Variants in CEP170B observed in about 807,000 individuals in gnomAD.
CEP170B encodes the protein centrosomal protein of 170 kDa protein B.
In CEP170B, 55 loss-of-function variants were observed where a neutral mutation model predicts 120.6. The ratio of observed to expected loss-of-function variants is 0.46; its 90% CI spans 0.37 to 0.57. The LOEUF (loss-of-function observed/expected upper bound fraction) is 0.57. CEP170B is among the 20% of genes least tolerant of loss of function. The probability of loss-of-function intolerance (pLI) is 0.00; values close to 1 mark genes in which losing one functional copy is unlikely to be tolerated. For missense variants in CEP170B, 2,212 were observed against 2,253.3 expected (o/e 0.98, Z 0.37); for synonymous variants, 1,033 against 954.5 (o/e 1.08, Z -1.52).
chr14:104,881,102 C>G (rs1412523699), intron 6 of CEP170B, among the ~76,000 whole-genome samples: 2 of 152,146 alleles, frequency 1.3e-5, no homozygotes, highest in African/African-American at 2.4e-5. Context: ...TTCTGCAGAC[C>G]GAGCCAGCAG....
At chr14:104,871,106 C>T (rs1301290286) in intron 2 of CEP170B, among the ~76,000 whole-genome samples, 1 of 152,056 alleles carries the variant, frequency 6.6e-6, no homozygotes, top group Non-Finnish European at 1.5e-5. Flanking sequence ...GGCACCTGCG[C>T]CAGGACCCCC....
At position 104,887,931 on chromosome 14, in the gene CEP170B, G is replaced by A. The variant is rs778420508; in HGVS notation, c.3692G>A (p.Arg1231His). The A allele has an allele frequency of 1.9e-5, 29 of 1,543,956 alleles. No individual in the cohort carries two copies. The highest frequency in any genetic ancestry group is 9.5e-5 in the South Asian group (8 of 83,972). Residue 1231 changes from arginine to histidine, a missense_variant, in exon 12 of 19, where the codon CGC becomes CAC. By Grantham distance (29) the Arg-to-His change is conservative. Transcript: ENST00000414716. ...AACACAGCCACCACCACGGGTCCCC[G>A]CCAGCCCTTCAGCAGGGCCCGCTCA... is the stretch of plus-strand genomic sequence containing the variant. ...AANTATTTGP[R>H]QPFSRARSGS...
chr14:104,870,967 A>C lies in CEP170B; in HGVS notation c.105+2412A>C, dbSNP rs759535602. On this transcript the variant is annotated intron_variant, in intron 2 of 18. Transcript: ENST00000414716. This position sits in a 1 kb window ranked among gnomAD's most constrained non-coding sequence, Gnocchi z 4.1. ...CCCCTGCCGGCCTCTGTCACCCCTC[A>C]CTCCCTGTGCACCTGCCCTAGAGGC... 6.8e-6 allele frequency among the ~76,000 whole-genome samples: 1 copy of C among 148,040 alleles called. No homozygotes were observed. Among genetic ancestry groups the C allele is most frequent in the African/African-American group, 2.5e-5 (1 of 39,870 alleles).
chr14:104,883,449 C>T lies in CEP170B; in HGVS notation c.992C>T (p.Pro331Leu). ...CCGAGCCTGCTGCACCGGGTTGGCC[C>T]TGGGGATGACCGCCACAGCACCAAG... ...NDPSLLHRVG[P>L]GDDRHSTKSD... Residue 331 changes from proline (P) to leucine (L), a missense_variant, in exon 8 of 19, where the codon CCT becomes CTT. Coordinates refer to ENST00000414716, the MANE Select transcript of CEP170B (RefSeq NM_001112726.3). The T allele has an allele frequency of 1.3e-6, 2 of 1,562,096 alleles. No individual in the cohort carries two copies. Among genetic ancestry groups the T allele is most frequent in the East Asian group, 2.4e-5 (1 of 41,544 alleles).
chr14:104,870,383 C>A lies in CEP170B; in HGVS notation c.105+1828C>A, dbSNP rs575176410. ...AAGACAGGCGGCAGGCCATAGGCCA[C>A]GCCCCACATACCCCACTGCCTCATG... On this transcript the variant is annotated intron_variant, in intron 2 of 18. Transcript: ENST00000414716. The surrounding 1 kb of genome is among the most constrained non-coding windows in gnomAD (Gnocchi z 4.1). 3.9e-4 allele frequency among the ~76,000 whole-genome samples: 59 copies of A among 152,346 alleles called. No individual in the cohort carries two copies. Among genetic ancestry groups the A allele is most frequent in the Admixed American group, 1.6e-3 (24 of 15,308 alleles).
Position 104,886,904 on chromosome 14 carries a change from C to T in CEP170B, c.2665C>T (p.His889Tyr), listed in dbSNP as rs1008996291. The T allele has an allele frequency of 3.1e-6, 5 of 1,610,344 alleles. No individual in the cohort carries two copies. The highest frequency in any genetic ancestry group is 3.4e-6 in the Non-Finnish European group (4 of 1,179,802). ...APGKPPHISS[H>Y]PLLQDLAATR... ...CGGCAAGCCCCCCCACATCTCCAGC[C>T]ACCCGCTTCTACAGGACCTGGCCGC... Residue 889 changes from histidine to tyrosine, a missense_variant, in exon 12 of 19, where the codon CAC becomes TAC. Around this residue, in one of 2 missense-constraint regions of CEP170B, gnomAD observed 2,166 missense variants for 2,166.7 expected, o/e 1.00. Transcript: ENST00000414716.
At chr14:104,879,045 C>A (rs956044958) in intron 5 of CEP170B, among the ~76,000 whole-genome samples, 1 of 152,128 alleles carries the variant, frequency 6.6e-6, no homozygotes, top group Non-Finnish European at 1.5e-5. Context: ...AGCCCCTGAG[C>A]CCCCCAGCAT....
At position 104,880,376 on chromosome 14, in the gene CEP170B, C is replaced by T. The variant is rs370341304; in HGVS notation, c.423C>T (p.Cys141=). 72 of 1,612,464 alleles carry T rather than the reference C, an allele frequency of 4.5e-5. No individual in the cohort carries two copies. In the Admixed American group the frequency reaches 6.8e-4, roughly 15 times the overall value. ...SEALPEHTPY[C]EASNPRPEKG... Reference sequence around the variant, plus strand: ...CACTGCCGGAACACACACCATACTGCGAGGCCTCGAACCCCAGGCCGGAGA... The same window carrying T: ...CACTGCCGGAACACACACCATACTGTGAGGCCTCGAACCCCAGGCCGGAGA... The change falls in exon 6 of 19, where the codon TGC becomes TGT. Residue 141 remains cysteine, a synonymous_variant. Coordinates refer to ENST00000414716, the MANE Select transcript of CEP170B (RefSeq NM_001112726.3).
rs375234580 is a variant in CEP170B, at chr14:104,870,645, G to A, written c.105+2090G>A. 2.0e-3 allele frequency among the ~76,000 whole-genome samples: 310 copies of A among 152,060 alleles called. 1 individual carries two copies. Among genetic ancestry groups the A allele is most frequent in the African/African-American group, 7.4e-3 (305 of 41,472 alleles). ...TGCTTCTCCCTGGGGTAGGGGAAAAGTGCTGGGGGCAGGGTGCTCAGGGTG... is the reference window on the plus strand; with the variant it reads ...TGCTTCTCCCTGGGGTAGGGGAAAAATGCTGGGGGCAGGGTGCTCAGGGTG... On this transcript the variant is annotated intron_variant, in intron 2 of 18. Transcript: ENST00000414716. The surrounding 1 kb of genome is among the most constrained non-coding windows in gnomAD (Gnocchi z 4.1).
rs777016637 is a variant in CEP170B at position 104,886,060 on chromosome 14, C to G, written c.1965C>G (p.Ser655=). 6.5e-7 allele frequency: 1 copy of G among 1,544,410 alleles called. No homozygotes were observed. The highest frequency in any genetic ancestry group is 1.2e-5 in the South Asian group (1 of 83,760). The part of the protein sequence containing the change: ...AEHQGLPVPG[S]PGGQKWVSRW... ...CACAGGGCCTCCCGGTGCCGGGCTCCCCTGGGGGTCAGAAGTGGGTGTCCC... is the reference window on the plus strand; with the variant it reads ...CACAGGGCCTCCCGGTGCCGGGCTCGCCTGGGGGTCAGAAGTGGGTGTCCC... The change falls in exon 11 of 19, where the codon TCC becomes TCG. Residue 655 remains serine (S), a synonymous_variant. Coordinates refer to ENST00000414716, the MANE Select transcript of CEP170B (RefSeq NM_001112726.3).
At position 104,868,598 on chromosome 14, in the gene CEP170B, AGTC is replaced by A; in HGVS notation, c.105+44_105+46del. 6.6e-7 allele frequency: 1 copy of A among 1,522,216 alleles called. No homozygotes were observed. The highest frequency in any genetic ancestry group is 2.5e-5 in the East Asian group (1 of 40,702). 94.3% of individuals were successfully genotyped at this position (1,522,216 alleles called of 1,614,324 possible). ...GGGGCCAGGAGGGTAGGGGGTAGACAGTCTGTCCCTGTGGAGGCCAGGAAGGTG... is the reference window on the plus strand; with the variant it reads ...GGGGCCAGGAGGGTAGGGGGTAGACATGTCCCTGTGGAGGCCAGGAAGGTG... On this transcript the variant is annotated intron_variant, in intron 2 of 18. Transcript: ENST00000414716. This position sits in a 1 kb window ranked among gnomAD's most constrained non-coding sequence, Gnocchi z 5.9.
intron 6 of CEP170B, among the ~76,000 whole-genome samples, chr14:104,882,120 C>T (rs912731472): frequency 6.6e-6 from 1 of 152,156 alleles, no homozygotes; most frequent in African/African-American, 2.4e-5. Flanking sequence ...TCAGGAAGGG[C>T]TGGGCTGCCG....
At position 104,883,491 on chromosome 14, in the gene CEP170B, A is replaced by G; in HGVS notation, c.1034A>G (p.His345Arg). The G allele has an allele frequency of 6.5e-7, 1 of 1,548,174 alleles. No homozygotes were observed. The highest frequency in any genetic ancestry group is 8.7e-7 in the Non-Finnish European group (1 of 1,145,322). ...AGCACCAAGAGCGACCTGCCTGTCC[A>G]CACCCGCACCCTGAAGGGTGAGTGC... ...RHSTKSDLPV[H>R]TRTLKGHKHE... The change falls in exon 8 of 19, where the codon CAC becomes CGC. Residue 345 changes from histidine to arginine, a missense_variant. Transcript: ENST00000414716.
In CEP170B at chr14:104,894,348, C is replaced by T. The variant is rs372742356; in HGVS notation, c.4335C>T (p.Asn1445=). 14 of 1,613,488 alleles carry T rather than the reference C, an allele frequency of 8.7e-6. No individual in the cohort carries two copies. Among genetic ancestry groups the T allele is most frequent in the East Asian group, 4.5e-5 (2 of 44,882 alleles). The part of the protein sequence containing the change: ...EDLEARINAE[N]EVPILKTSNK... ...TGGAAGCCAGGATCAACGCCGAGAA[C>T]GAGGTGCCCATCCTGAAGACATCTA... Residue 1445 remains asparagine, a synonymous_variant, in exon 17 of 19, where the codon AAC becomes AAT. Transcript: ENST00000414716.
chr14:104,887,586 C>G lies in CEP170B; in HGVS notation c.3347C>G (p.Ser1116Cys), dbSNP rs1896592458. The G allele has an allele frequency of 1.3e-6, 2 of 1,587,674 alleles. No individual in the cohort carries two copies. Among genetic ancestry groups the G allele is most frequent in the Non-Finnish European group, 1.7e-6 (2 of 1,168,502 alleles). Residue 1116 changes from serine to cysteine, a missense_variant, in exon 12 of 19, where the codon TCC (serine) becomes TGC (cysteine). Physicochemically the swap from Ser to Cys is moderately radical, Grantham distance 112. This residue lies in a region of CEP170B where 2,166 missense variants were observed against 2,166.7 expected (regional missense o/e 1.00). Transcript: ENST00000414716. The stretch of plus-strand genomic sequence containing the variant: ...GCCTTGACCCGCTCCAACAGCCTGT[C>G]CACCCCTCGCCCCACACGGGCCTCC... ...PQALTRSNSL[S>C]TPRPTRASRL...
intron 6 of CEP170B, among the ~76,000 whole-genome samples, chr14:104,880,831 GCACTCACACCCCCACCCCTGTA>G (rs1423136561): frequency 6.7e-6 from 1 of 148,682 alleles, no homozygotes; most frequent in Non-Finnish European, 1.5e-5. Context: ...TCACCCCTGT[GCACTCACACCCCCACCCCTGTA>G]CACACATCTA....
intron 2 of CEP170B, among the ~76,000 whole-genome samples, chr14:104,873,767 G>T (rs1003108717): frequency 6.6e-6 from 1 of 152,234 alleles, no homozygotes; most frequent in South Asian, 2.1e-4. Flanking sequence ...CTTTCCAGAG[G>T]GGACAGGGGC....
Position 104,884,538 on chromosome 14 carries a change from A to G in CEP170B, c.1759A>G (p.Met587Val), listed in dbSNP as rs1227794900. 2.6e-6 allele frequency: 4 copies of G among 1,556,316 alleles called. No homozygotes were observed. Among genetic ancestry groups the G allele is most frequent in the Admixed American group, 3.8e-5 (2 of 52,040 alleles). The change falls in exon 9 of 19, where the codon ATG becomes GTG. Residue 587 changes from methionine to valine, a missense_variant. This residue lies in a region of CEP170B where 2,166 missense variants were observed against 2,166.7 expected (regional missense o/e 1.00). Transcript: ENST00000414716. Reference sequence around the variant, plus strand: ...CACGGAGGTGGAGGAGGCCCGGAAGATGATCGACCAGGTGCAGCCCAGCGG... The same window carrying G: ...CACGGAGGTGGAGGAGGCCCGGAAGGTGATCGACCAGGTGCAGCCCAGCGG... The part of the protein sequence containing the change: ...QDTEVEEARK[M>V]IDQVFGVLES...
chr14:104,877,844 G>A lies in CEP170B; in HGVS notation c.196-41G>A, dbSNP rs746470742. On this transcript the variant is annotated intron_variant, in intron 3 of 18. Coordinates refer to ENST00000414716, the MANE Select transcript of CEP170B (RefSeq NM_001112726.3). ...CGGCCCTGCCCACAGCCACCCACCC[G>A]CGCAGCTCCCCCCCCCCCCCCGCCA... 432 of 261,966 alleles carry A rather than the reference G, an allele frequency of 1.6e-3. 21 individuals are homozygous for A. Among genetic ancestry groups the A allele is most frequent in the Non-Finnish European group, 2.2e-3 (364 of 163,934 alleles). 16.2% of individuals were successfully genotyped at this position (261,966 alleles called of 1,614,324 possible). A position where few individuals can be genotyped will look rare whatever the true frequency, so the allele number is the denominator to read the frequency against.
Sources: gnomAD v4.1 joint callset for allele counts (sites outside exome capture counted in the v4.1 genomes callset) on GRCh38, gnomAD v4.1.1 for gene constraint, gnomAD v4.1.1 regional missense constraint, Gnocchi (gnomAD v3.1) non-coding constraint, MANE v1.5 for transcripts, NCBI Gene and HGNC (gene_info 2026-07-23, HGNC 2026-07-21) for gene names.